The following PIGL variants were observed in gnomAD, a reference collection of about 807,000 sequenced individuals.
The protein encoded by PIGL is phosphatidylinositol glycan anchor biosynthesis class L, also known as N-acetylglucosaminyl-phosphatidylinositol de-N-acetylase.
A neutral mutation model predicts 31.1 loss-of-function variants in PIGL; 22 were observed. The observed-to-expected ratio is 0.71, with a 90% CI of 0.51 to 1.01. PIGL has a LOEUF of 1.01. Ranked by LOEUF, PIGL falls within the 50% of genes least tolerant of loss-of-function variation. The probability of loss-of-function intolerance (pLI) is 0.00; values close to 1 mark genes in which losing one functional copy is unlikely to be tolerated. For missense variants in PIGL, 302 were observed against 315.9 expected (o/e 0.96, Z 0.33); for synonymous variants, 131 against 117.4 (o/e 1.12, Z -0.75).
At chr17:16,311,273 T>C (rs1203431984) in intron 3 of PIGL, among the ~76,000 whole-genome samples, 4 of 141,730 alleles carry the variant, frequency 2.8e-5, no homozygotes, top group Non-Finnish European at 6.1e-5. Flanking sequence ...TTATTATTAT[T>C]ATTCAAATTA....
At chr17:16,232,038 G>A (rs984462053) in intron 1 of PIGL, among the ~76,000 whole-genome samples, 1 of 152,112 alleles carries the variant, frequency 6.6e-6, no homozygotes, top group Non-Finnish European at 1.5e-5. Context: ...TTCACTTTGG[G>A]AGGCAGAGGT....
At chr17:16,224,945 A>C (rs1248055811) in intron 1 of PIGL, among the ~76,000 whole-genome samples, 1 of 152,164 alleles carries the variant, frequency 6.6e-6, no homozygotes, top group Admixed American at 6.6e-5. Flanking sequence ...CGTGAGCCAC[A>C]GTGCGTGGCC....
intron 5 of PIGL, chr17:16,317,051 C>CT: frequency 9.0e-7 from 1 of 1,109,742 alleles, no homozygotes. Context: ...TAAATGACTG[C>CT]TGGGTGCTTG....
At chr17:16,238,437 CTTTTT>C (rs1168033433) in intron 2 of PIGL, among the ~76,000 whole-genome samples, 1 of 127,746 alleles carries the variant, frequency 7.8e-6, no homozygotes. Flanking sequence ...TTCTTTTTTT[CTTTTT>C]TTTTTTTTTT....
Position 16,316,312 on chromosome 17 carries a change from C to A in PIGL, c.495-369C>A, listed in dbSNP as rs2093076788. On this transcript the variant is annotated intron_variant, in intron 4 of 6. Transcript: ENST00000225609. The stretch of plus-strand genomic sequence containing the variant: ...GGAGAAAGGAAATATCAGGGAAGAG[C>A]TATCAGTTAGCATTGTAAAATATTC... 1.3e-5 allele frequency among the ~76,000 whole-genome samples: 2 copies of A among 152,196 alleles called. 1 individual carries two copies. The highest frequency in any genetic ancestry group is 4.1e-4 in the South Asian group (2 of 4,834).
chr17:16,262,244 T>C (rs2092822194), intron 2 of PIGL, among the ~76,000 whole-genome samples: 1 of 151,848 alleles, frequency 6.6e-6, no homozygotes, highest in Non-Finnish European at 1.5e-5. Flanking sequence ...GACAATCCAA[T>C]TGAAAAACAG....
chr17:16,217,623 CGGCTT>C, intron 1 of PIGL, 162 bp downstream of exon 1: 20 of 594,636 alleles, frequency 3.4e-5, no homozygotes, highest in South Asian at 1.4e-4. Context: ...CAGGAGCGGC[CGGCTT>C]ACCTGGTGGG....
chr17:16,274,956 C>CGGGAG (rs1429566778), intron 2 of PIGL, among the ~76,000 whole-genome samples: 1 of 151,098 alleles, frequency 6.6e-6, no homozygotes, highest in African/African-American at 2.4e-5. Flanking sequence ...GGCTGGAACC[C>CGGGAG]GGGAGGCAGA....
In PIGL at chr17:16,276,015, C is replaced by T. The variant is rs2092893707; in HGVS notation, c.336-23873C>T. ...CTCCAGTCTGGGTGACAGAGTGAGA[C>T]TCTGTCTCAAAAAAAGAGAAAGAAA... On this transcript the variant is annotated intron_variant, in intron 2 of 6. Coordinates refer to ENST00000225609, the MANE Select transcript of PIGL (RefSeq NM_004278.4). Among the ~76,000 whole-genome samples, 15 of 152,040 alleles carry T rather than the reference C, an allele frequency of 9.9e-5. No individual in the cohort carries two copies. The South Asian group carries it at 3.1e-3, about 32-fold the overall frequency.
At chr17:16,220,480 A>ATTTT (rs745948237) in intron 1 of PIGL, among the ~76,000 whole-genome samples, 5 of 57,188 alleles carry the variant, frequency 8.7e-5, no homozygotes, top group Admixed American at 4.3e-4. Flanking sequence ...TTAAATTGTT[A>ATTTT]TTTTTTTTTT....
chr17:16,217,482 C>A (rs760247326), intron 1 of PIGL, 21 bp downstream of exon 1: 1 of 1,571,256 alleles, frequency 6.4e-7, no homozygotes, highest in Non-Finnish European at 8.8e-7. Context: ...ATAGGAGGGG[C>A]GATGGGAGCC....
intron 2 of PIGL, chr17:16,281,872 G>T: frequency 3.8e-6 from 1 of 260,328 alleles, no homozygotes. Context: ...GGTGCCCACT[G>T]GTACAGCTCC....
chr17:16,220,939 T>A (rs1198388763), intron 1 of PIGL, among the ~76,000 whole-genome samples: 7 of 152,170 alleles, frequency 4.6e-5, no homozygotes, highest in Non-Finnish European at 8.8e-5. Flanking sequence ...GGCCTGTTTG[T>A]TTATTTTATA....
intron 2 of PIGL, among the ~76,000 whole-genome samples, chr17:16,276,974 T>A (rs769028744): frequency 6.6e-6 from 1 of 152,216 alleles, no homozygotes; most frequent in Non-Finnish European, 1.5e-5. Flanking sequence ...GAATCTCAGA[T>A]AAGACTTTTT....
At chr17:16,243,364 TATA>T (rs2092731101) in intron 2 of PIGL, among the ~76,000 whole-genome samples, 1 of 152,208 alleles carries the variant, frequency 6.6e-6, no homozygotes, top group African/African-American at 2.4e-5. Context: ...GATTATTCTT[TATA>T]ATATTAGGCA....
At chr17:16,300,487 C>T (rs920166309) in intron 3 of PIGL, among the ~76,000 whole-genome samples, 1 of 152,134 alleles carries the variant, frequency 6.6e-6, no homozygotes, top group African/African-American at 2.4e-5. Context: ...TCCAGACCAG[C>T]CTGGCCAGCA....
At chr17:16,261,023 G>A (rs776801294) in intron 2 of PIGL, among the ~76,000 whole-genome samples, 9 of 151,824 alleles carry the variant, frequency 5.9e-5, no homozygotes, top group South Asian at 2.1e-4. Context: ...GGAGTCTGAG[G>A]CAGGAGAATT....
At chr17:16,275,795 A>C (rs1178119457) in intron 2 of PIGL, among the ~76,000 whole-genome samples, 1 of 152,078 alleles carries the variant, frequency 6.6e-6, no homozygotes, top group Non-Finnish European at 1.5e-5. Flanking sequence ...AGGCCAAGGC[A>C]GGCAGATCAC....
At chr17:16,241,743 T>C (rs973150689) in intron 2 of PIGL, among the ~76,000 whole-genome samples, 2 of 152,122 alleles carry the variant, frequency 1.3e-5, no homozygotes, top group Non-Finnish European at 2.9e-5. Flanking sequence ...ATGAGAATTA[T>C]CTGCTCAGTA....
Sources: allele counts gnomAD v4.1 joint callset (sites outside exome capture counted in the v4.1 genomes callset), GRCh38; gene constraint gnomAD v4.1.1; transcripts MANE v1.5; gene names NCBI Gene and HGNC (gene_info 2026-07-23, HGNC 2026-07-21).